The following BRD9 variants were observed in gnomAD, a reference collection of about 807,000 sequenced individuals.
The protein encoded by BRD9 is bromodomain containing 9, also known as bromodomain-containing protein 9.
A neutral mutation model predicts 68.7 loss-of-function variants in BRD9; 47 were observed. The observed-to-expected ratio is 0.68, with a 90% confidence interval of 0.54 to 0.87. The LOEUF is 0.87. Among genes scored for constraint, BRD9 ranks in the 40% least tolerant of loss-of-function variants. BRD9 has a pLI of 0.00. For missense variants in BRD9, 670 were observed against 748.4 expected (o/e 0.90, Z 1.22); for synonymous variants, 313 against 293.9 (o/e 1.06, Z -0.67).
At chr5:865,669 G>T in intron 14 of BRD9, 88 bp from the exon 15 acceptor site, 1 of 1,385,854 alleles carries the variant, frequency 7.2e-7, no homozygotes, top group Admixed American at 2.1e-5. Flanking sequence ...ATCCAGACAG[G>T]CCTCTCTGCT....
At chr5:870,447 G>A (rs747897067) in intron 14 of BRD9, 26 bp downstream of exon 14, 3 of 1,557,286 alleles carry the variant, frequency 1.9e-6, no homozygotes, top group Non-Finnish European at 1.8e-6. Flanking sequence ...ACCAGGTGCT[G>A]TGGGAAAGTG....
At position 891,196 on chromosome 5, in the gene BRD9, G is replaced by C. The variant is rs1176321690; in HGVS notation, c.359C>G (p.Pro120Arg). The change falls in exon 3 of 16, where the codon CCG becomes CGG. Residue 120 changes from proline to arginine, a missense_variant. By Grantham distance (103) the Pro-to-Arg change is moderately radical. Around this residue, in one of 5 missense-constraint regions of BRD9, gnomAD observed 161 missense variants for 148.1 expected, o/e 1.09. Transcript: ENST00000467963. ...FDPGKKVEVE[P>R]PPDRPVRACR... ...CGCTCGGACTGGCCGATCTGGGGGC[G>C]GCTCCACCTCCACCTTCTTCCCAGG... 6 of 1,551,660 alleles carry C rather than the reference G, an allele frequency of 3.9e-6. No homozygotes were observed. The highest frequency in any genetic ancestry group is 1.4e-5 in the African/African-American group (1 of 73,032).
In BRD9 at chr5:880,564, G is replaced by A. The variant is rs562576650; in HGVS notation, c.1042+543C>T. Among the ~76,000 whole-genome samples the A allele has an allele frequency of 2.6e-5, 4 of 152,176 alleles. No homozygotes were observed. The East Asian group carries it at 5.8e-4, about 22-fold the overall frequency. On this transcript the variant is annotated intron_variant, in intron 9 of 15. Transcript: ENST00000467963. ...GTGCCAGGCTGCACGTTCCTCACGC[G>A]AGCCCGCGAGTGCGTTTCAAACCCA...
At chr5:892,141 G>A (rs2150669712) in intron 1 of BRD9, 2 of 476,082 alleles carry the variant, frequency 4.2e-6, no homozygotes, top group Middle Eastern at 5.8e-4. Context: ...TGGATTAAGA[G>A]GGACCTGGAA....
chr5:864,677 C>T (rs2150542908), intron 15 of BRD9, 109 bp from the exon 16 acceptor site: 1 of 881,500 alleles, frequency 1.1e-6, no homozygotes, highest in Non-Finnish European at 1.8e-6. Flanking sequence ...GGCTCAGGGA[C>T]TCCCAGGACA....
intron 11 of BRD9, 87 bp downstream of exon 11, chr5:878,268 C>T: frequency 2.5e-6 from 4 of 1,569,970 alleles, no homozygotes; most frequent in East Asian, 2.3e-5. Flanking sequence ...TCTCTCCCCA[C>T]CCGCACACAT....
intron 3 of BRD9, among the ~76,000 whole-genome samples, chr5:890,464 G>GT (rs575916911): frequency 7.8e-4 from 119 of 152,324 alleles, no homozygotes; most frequent in African/African-American, 2.7e-3. Context: ...CCTCATCACT[G>GT]TGAGTTGTGC....
chr5:884,550 C>A (rs1384120641), intron 7 of BRD9, among the ~76,000 whole-genome samples: 1 of 152,264 alleles, frequency 6.6e-6, no homozygotes, highest in Non-Finnish European at 1.5e-5. Flanking sequence ...AAAGAACACA[C>A]AAGGACGTCA....
chr5:871,838 C>G (rs1304143463), intron 12 of BRD9, among the ~76,000 whole-genome samples: 1 of 152,208 alleles, frequency 6.6e-6, no homozygotes, highest in Admixed American at 6.5e-5. Context: ...AGAGAGAGGA[C>G]GCCGATGCTG....
chr5:892,516 G>A (rs886071913), intron 1 of BRD9, 90 bp downstream of exon 1: 22 of 1,490,868 alleles, frequency 1.5e-5, no homozygotes, highest in Non-Finnish European at 1.9e-5. Flanking sequence ...GACCTCGCCC[G>A]GTGCCCAGGA....
chr5:865,415 C>T lies in BRD9; in HGVS notation c.1692G>A (p.Leu564=). 6.4e-7 allele frequency: 1 copy of T among 1,572,352 alleles called. No homozygotes were observed. The highest frequency in any genetic ancestry group is 8.7e-7 in the Non-Finnish European group (1 of 1,155,412). The change falls in exon 15 of 16, where the codon CTG becomes CTA. Residue 564 remains leucine (L), a splice_region_variant and synonymous_variant. Coordinates refer to ENST00000467963, the MANE Select transcript of BRD9 (RefSeq NM_023924.5). The part of the protein sequence containing the change: ...SNASERDQHH[L]GSPSRLSVGE... ...GCGGCGTGGGTGGGGGCATCTCACC[C>T]AGGTGGTGCTGGTCCCTCTCGGAGG...
In BRD9 at chr5:864,531, G is replaced by A. The variant is rs141705577; in HGVS notation, c.1731C>T (p.Asp577=). 83 of 1,613,884 alleles carry A rather than the reference G, an allele frequency of 5.1e-5. No individual in the cohort carries two copies. The highest frequency in any genetic ancestry group is 1.6e-4 in the African/African-American group (12 of 74,936). ...GAAACTCATAGGGGTCGTGGGTGAC[G>A]TCTGGCTGCTCCCCGACACTCAGGC... is the stretch of plus-strand genomic sequence containing the variant. The part of the protein sequence containing the change: ...PSRLSVGEQP[D]VTHDPYEFLQ... Residue 577 remains aspartate, a synonymous_variant, in exon 16 of 16, where the codon GAC becomes GAT. Transcript: ENST00000467963.
At chr5:886,553 C>T in intron 7 of BRD9, 39 bp downstream of exon 7, 14 of 1,580,002 alleles carry the variant, frequency 8.9e-6, no homozygotes, top group Non-Finnish European at 1.2e-5. Flanking sequence ...CTATGGTGCT[C>T]AACTCCAAAA....
intron 7 of BRD9, among the ~76,000 whole-genome samples, chr5:885,607 T>C (rs562652165): frequency 3.2e-4 from 48 of 152,380 alleles, no homozygotes; most frequent in African/African-American, 1.2e-3. Context: ...AAATCTGATC[T>C]GTCCCCAGGA....
chr5:870,662 A>G (rs928314991), intron 13 of BRD9, 87 bp from the exon 14 acceptor site: 1 of 960,810 alleles, frequency 1.0e-6, no homozygotes, highest in Middle Eastern at 2.2e-4. Context: ...AAATCACTCT[A>G]ATTATTTGCT....
intron 14 of BRD9, among the ~76,000 whole-genome samples, chr5:867,621 A>T (rs192836448): frequency 2.0e-5 from 3 of 152,392 alleles, no homozygotes; most frequent in Non-Finnish European, 4.4e-5. Flanking sequence ...GAATCAAAGA[A>T]GATTCTTTCG....
chr5:883,825 G>A, intron 8 of BRD9, 113 bp downstream of exon 8: 1 of 1,453,648 alleles, frequency 6.9e-7, no homozygotes, highest in Non-Finnish European at 9.3e-7. Flanking sequence ...GCCCCACGCT[G>A]ACCTCTGGAT....
intron 9 of BRD9, among the ~76,000 whole-genome samples, 195 bp downstream of exon 9, chr5:880,912 C>T (rs529125696): frequency 6.6e-6 from 1 of 152,240 alleles, no homozygotes; most frequent in Non-Finnish European, 1.5e-5. Flanking sequence ...CTGACCAGCA[C>T]CCCCGCCCCG....
chr5:892,176 G>C, intron 1 of BRD9: 1 of 434,264 alleles, frequency 2.3e-6, no homozygotes, highest in Admixed American at 4.2e-5. Flanking sequence ...CTCCCTCCTA[G>C]AAACCCCCAG....
Sources: allele counts gnomAD v4.1 joint callset (sites outside exome capture counted in the v4.1 genomes callset), GRCh38; gene constraint gnomAD v4.1.1; regional missense constraint gnomAD v4.1.1; transcripts MANE v1.5; gene names NCBI Gene and HGNC (gene_info 2026-07-23, HGNC 2026-07-21).